The following MACROD2 variants were observed in gnomAD, a reference collection of about 807,000 sequenced individuals.
MACROD2 encodes mono-ADP ribosylhydrolase 2.
In MACROD2, 36 loss-of-function variants were observed where a neutral mutation model predicts 70.4. That is an observed-to-expected ratio of 0.51 (90% confidence interval 0.39 to 0.68). The LOEUF is 0.68. Among genes scored for constraint, MACROD2 ranks in the 30% least tolerant of loss-of-function variants. The pLI is 0.00. For missense variants in MACROD2, 496 were observed against 538.4 expected (o/e 0.92, Z 0.78); for synonymous variants, 172 against 178.8 (o/e 0.96, Z 0.30).
intron 3 of MACROD2, among the ~76,000 whole-genome samples, chr20:14,110,379 A>G (rs2054433429): frequency 6.6e-6 from 1 of 151,994 alleles, no homozygotes; most frequent in Non-Finnish European, 1.5e-5. Context: ...AATTCTAGCT[A>G]GAGCAATCAG....
intron 8 of MACROD2, among the ~76,000 whole-genome samples, chr20:15,622,164 T>C (rs1470975969): frequency 6.6e-6 from 1 of 152,216 alleles, no homozygotes; most frequent in Non-Finnish European, 1.5e-5. Context: ...TCTTTGGTGC[T>C]TTGAGTTTGG....
chr20:15,730,348 A>G (rs1006835008), intron 8 of MACROD2, among the ~76,000 whole-genome samples: 1 of 152,134 alleles, frequency 6.6e-6, no homozygotes, highest in Non-Finnish European at 1.5e-5. Flanking sequence ...TGTCTTTTCC[A>G]TATTTAGCAC....
At chr20:14,246,617 T>C (rs2081970056) in intron 3 of MACROD2, among the ~76,000 whole-genome samples, 1 of 152,200 alleles carries the variant, frequency 6.6e-6, no homozygotes, top group Non-Finnish European at 1.5e-5. Flanking sequence ...GAATGAGAGA[T>C]ATTAAGGATA....
intron 8 of MACROD2, among the ~76,000 whole-genome samples, chr20:15,519,591 G>A (rs1172682571): frequency 6.6e-6 from 1 of 152,124 alleles, no homozygotes; most frequent in Non-Finnish European, 1.5e-5. Flanking sequence ...TACAATTGAG[G>A]CAATTTAAGG....
At chr20:15,598,474 T>C (rs143219946) in intron 8 of MACROD2, among the ~76,000 whole-genome samples, 55 of 152,266 alleles carry the variant, frequency 3.6e-4, no homozygotes, top group African/African-American at 1.2e-3. Flanking sequence ...CCGACTGAGG[T>C]TATCCTGCCA....
At chr20:14,629,147 T>TTGTGTGTG (rs144773473) in intron 4 of MACROD2, among the ~76,000 whole-genome samples, 2 of 150,806 alleles carry the variant, frequency 1.3e-5, no homozygotes, top group Non-Finnish European at 1.5e-5. Flanking sequence ...TAGAGGACTT[T>TTGTGTGTG]TGTGTGTGTG....
intron 8 of MACROD2, among the ~76,000 whole-genome samples, chr20:15,607,002 C>CAA (rs35981862): frequency 5.8e-4 from 56 of 95,908 alleles, no homozygotes; most frequent in Admixed American, 7.6e-4. Flanking sequence ...AACTCCATCT[C>CAA]AAAAAAAAAA....
chr20:14,981,843 G>A (rs1174188295), intron 5 of MACROD2, among the ~76,000 whole-genome samples: 1 of 152,010 alleles, frequency 6.6e-6, no homozygotes, highest in Non-Finnish European at 1.5e-5. Flanking sequence ...CAGTAAACTG[G>A]TACCAGTAGA....
chr20:15,486,394 G>A (rs562884227), intron 7 of MACROD2, among the ~76,000 whole-genome samples: 2 of 152,250 alleles, frequency 1.3e-5, no homozygotes, highest in Non-Finnish European at 2.9e-5. Context: ...AAGCAAATAA[G>A]ATACATTTAG....
At chr20:14,872,211 C>A (rs1352843433) in intron 5 of MACROD2, among the ~76,000 whole-genome samples, 3 of 152,116 alleles carry the variant, frequency 2.0e-5, no homozygotes, top group Non-Finnish European at 1.5e-5. Flanking sequence ...ATTTTCAACT[C>A]ATGGTTTCTG....
At chr20:14,077,356 A>C (rs2053927714) in intron 2 of MACROD2, among the ~76,000 whole-genome samples, 1 of 152,204 alleles carries the variant, frequency 6.6e-6, no homozygotes, top group Non-Finnish European at 1.5e-5. Context: ...ATAAAGAAAC[A>C]AATATCTCTA....
intron 3 of MACROD2, among the ~76,000 whole-genome samples, chr20:14,179,578 A>G (rs1037016936): frequency 1.3e-5 from 2 of 152,222 alleles, no homozygotes; most frequent in Non-Finnish European, 2.9e-5. Context: ...TGATTACATT[A>G]GAAACACAAA....
At chr20:15,964,133 G>T (rs1431062428) in intron 12 of MACROD2, among the ~76,000 whole-genome samples, 1 of 152,136 alleles carries the variant, frequency 6.6e-6, no homozygotes, top group African/African-American at 2.4e-5. Context: ...AATCCAAGGT[G>T]CTGCAAGAGT....
Position 15,451,760 on chromosome 20 carries a change from C to T in MACROD2, c.571+20325C>T, listed in dbSNP as rs527343557. On this transcript the variant is annotated intron_variant, in intron 7 of 17. Coordinates refer to ENST00000684519, the MANE Select transcript of MACROD2 (RefSeq NM_001351661.2). The stretch of plus-strand genomic sequence containing the variant: ...CACCCCATTAGACTGAACAAGGGGA[C>T]GCTGTGGTTTGCCTGTCACTACCAC... 2.3e-3 allele frequency among the ~76,000 whole-genome samples: 344 copies of T among 152,244 alleles called. 2 individuals are homozygous for T. The highest frequency in any genetic ancestry group is 3.5e-3 in the Non-Finnish European group (238 of 67,988).
In MACROD2 at chr20:14,468,396, G is replaced by T. The variant is rs183059200; in HGVS notation, c.272-25083G>T. On this transcript the variant is annotated intron_variant, in intron 3 of 17. Transcript: ENST00000684519. ...TCTTTTTATTTTCTGATCTTTCTTC[G>T]TTTAAAGTCTGTTTTATCAGAGACT... is the stretch of plus-strand genomic sequence containing the variant. Among the ~76,000 whole-genome samples the T allele has an allele frequency of 7.5e-3, 1,084 of 145,032 alleles. 7 individuals are homozygous for T. The highest frequency in any genetic ancestry group is 0.011 in the Middle Eastern group (3 of 264).
intron 3 of MACROD2, among the ~76,000 whole-genome samples, chr20:14,144,652 C>G (rs1312996668): frequency 1.3e-5 from 2 of 152,250 alleles, no homozygotes; most frequent in Admixed American, 6.5e-5. Flanking sequence ...ATTTTAAGTT[C>G]TATAGTATTC....
At chr20:14,680,289 A>G (rs902279773) in intron 4 of MACROD2, among the ~76,000 whole-genome samples, 4 of 152,176 alleles carry the variant, frequency 2.6e-5, no homozygotes, top group African/African-American at 9.6e-5. Context: ...GAAGGTGTAA[A>G]TAACTGAGAA....
intron 16 of MACROD2, among the ~76,000 whole-genome samples, chr20:16,041,981 G>A (rs2067313785): frequency 6.6e-6 from 1 of 152,006 alleles, no homozygotes; most frequent in South Asian, 2.1e-4. Flanking sequence ...GAGTTTAGGA[G>A]AACCAGAATT....
At chr20:15,376,944 G>T (rs1157444037) in intron 6 of MACROD2, among the ~76,000 whole-genome samples, 2 of 152,132 alleles carry the variant, frequency 1.3e-5, no homozygotes, top group African/African-American at 4.8e-5. Context: ...AGGCTGGAGT[G>T]CAGTGGCGCA....
Sources: gnomAD v4.1 joint callset for allele counts (sites outside exome capture counted in the v4.1 genomes callset) on GRCh38, gnomAD v4.1.1 for gene constraint, MANE v1.5 for transcripts, NCBI Gene and HGNC (gene_info 2026-07-23, HGNC 2026-07-21) for gene names.